The following DIAPH3 variants were observed in gnomAD, a reference collection of about 807,000 sequenced individuals.
DIAPH3 encodes protein diaphanous homolog 3.
A neutral mutation model predicts 144.3 loss-of-function variants in DIAPH3; 117 were observed. That is an observed-to-expected ratio of 0.81 (90% CI 0.70 to 0.95). DIAPH3 has a LOEUF of 0.95. DIAPH3 is among the 40% of genes least tolerant of loss of function. The pLI, the probability that DIAPH3 is intolerant of heterozygous loss-of-function variation, is 0.00. For missense variants in DIAPH3, 1,421 were observed against 1,412.7 expected (o/e 1.01, Z -0.09); for synonymous variants, 519 against 488.9 (o/e 1.06, Z -0.81).
At chr13:59,853,541 T>C (rs2043097583) in intron 22 of DIAPH3, among the ~76,000 whole-genome samples, 1 of 152,142 alleles carries the variant, frequency 6.6e-6, no homozygotes, top group African/African-American at 2.4e-5. Context: ...ATGTAAGATG[T>C]GCGTGCTGCT....
chr13:59,775,532 G>A lies in DIAPH3; in HGVS notation c.3164-709C>T, dbSNP rs372691337. Among the ~76,000 whole-genome samples, 56 of 152,322 alleles carry A rather than the reference G, an allele frequency of 3.7e-4. No homozygotes were observed. The East Asian group carries it at 0.011, about 29-fold the overall frequency. ...GTTGGGATTACAGGCGTGAGCCACT[G>A]CACACGGCCCGGGAGAGTGTTTTTG... On this transcript the variant is annotated intron_variant, in intron 25 of 27. Coordinates refer to ENST00000400324, the MANE Select transcript of DIAPH3 (RefSeq NM_001042517.2).
At position 59,760,946 on chromosome 13, in the gene DIAPH3, G is replaced by A. The variant is rs1472353139; in HGVS notation, c.3319+13243C>T. 3.9e-5 allele frequency among the ~76,000 whole-genome samples: 6 copies of A among 152,100 alleles called. No individual in the cohort carries two copies. The East Asian group carries it at 7.7e-4, about 20-fold the overall frequency. ...AATGATCATGTACATAGCACTTAAT[G>A]ATCATTATCATTTATTCTAATATTA... On this transcript the variant is annotated intron_variant, in intron 27 of 27. Transcript: ENST00000400324.
At chr13:60,027,415 C>T (rs2054451768) in intron 5 of DIAPH3, among the ~76,000 whole-genome samples, 1 of 152,140 alleles carries the variant, frequency 6.6e-6, no homozygotes, top group Admixed American at 6.5e-5. Context: ...CATTTATTCC[C>T]ACTTTTCATA....
intron 25 of DIAPH3, among the ~76,000 whole-genome samples, chr13:59,799,768 AT>A (rs2039807877): frequency 1.3e-5 from 2 of 152,152 alleles, no homozygotes; most frequent in African/African-American, 2.4e-5. Context: ...TGTAAAAGAT[AT>A]TTTTTTGAAC....
At chr13:59,712,267 G>A (rs1277853207) in intron 27 of DIAPH3, among the ~76,000 whole-genome samples, 1 of 152,194 alleles carries the variant, frequency 6.6e-6, no homozygotes, top group Non-Finnish European at 1.5e-5. Flanking sequence ...TTCTCCAAGT[G>A]GTTGGCTAGG....
chr13:59,670,400 C>A (rs1184294853), intron 27 of DIAPH3, among the ~76,000 whole-genome samples: 1 of 152,168 alleles, frequency 6.6e-6, no homozygotes, highest in Non-Finnish European at 1.5e-5. Flanking sequence ...ACCCCAACAG[C>A]CCCCATTCTG....
intron 27 of DIAPH3, among the ~76,000 whole-genome samples, chr13:59,727,603 G>T (rs1016395326): frequency 6.6e-6 from 1 of 152,148 alleles, no homozygotes; most frequent in South Asian, 2.1e-4. Flanking sequence ...TGCATTATGG[G>T]ATTTTGGAGA....
intron 4 of DIAPH3, among the ~76,000 whole-genome samples, chr13:60,059,098 T>A (rs1234712554): frequency 1.3e-5 from 2 of 151,760 alleles, no homozygotes; most frequent in African/African-American, 4.8e-5. Flanking sequence ...GTTCTATATA[T>A]GTATTAGATG....
chr13:60,019,952 G>T (rs987555367), intron 5 of DIAPH3, among the ~76,000 whole-genome samples: 3 of 151,422 alleles, frequency 2.0e-5, no homozygotes, highest in Non-Finnish European at 4.4e-5. Context: ...TCCCAGATGT[G>T]CTCGTAGAAA....
intron 2 of DIAPH3, 121 bp downstream of exon 2, chr13:60,132,836 G>C (rs1279448572): frequency 1.2e-6 from 1 of 812,482 alleles, no homozygotes; most frequent in Non-Finnish European, 2.1e-6. Flanking sequence ...AGCACTATAA[G>C]AATAGTACGT....
At chr13:60,045,470 G>T (rs890620565) in intron 4 of DIAPH3, among the ~76,000 whole-genome samples, 1 of 152,022 alleles carries the variant, frequency 6.6e-6, no homozygotes, top group East Asian at 1.9e-4. Context: ...TGTTCTATAG[G>T]CTATTATCTT....
chr13:60,026,078 T>C (rs1232638213), intron 5 of DIAPH3, among the ~76,000 whole-genome samples: 1 of 152,182 alleles, frequency 6.6e-6, no homozygotes, highest in Non-Finnish European at 1.5e-5. Flanking sequence ...TATGTACATA[T>C]GTGTAGCTAT....
rs1051013995 is a variant in DIAPH3 at position 59,861,461 on chromosome 13, G to T, written c.2683C>A (p.Pro895Thr). 6.2e-7 allele frequency: 1 copy of T among 1,613,628 alleles called. No individual in the cohort carries two copies. The highest frequency in any genetic ancestry group is 1.7e-5 in the Admixed American group (1 of 59,974). The change falls in exon 22 of 28, where the codon CCT (proline) becomes ACT (threonine). Residue 895 changes from proline (P) to threonine (T), a missense_variant. Transcript: ENST00000400324. ...TCATCCACAAAATTCAGTATATCAG[G>T]GTACTTCTCTTCACATATTTCTACC... ...FLVEICEEKYPDILNFVDDLE... is the reference protein window; with the variant it reads ...FLVEICEEKYTDILNFVDDLE...
intron 19 of DIAPH3, among the ~76,000 whole-genome samples, chr13:59,913,599 T>C (rs927511187): frequency 6.6e-6 from 1 of 152,198 alleles, no homozygotes; most frequent in Admixed American, 6.5e-5. Flanking sequence ...TTTACAATTA[T>C]GTATGTAAAT....
intron 27 of DIAPH3, among the ~76,000 whole-genome samples, chr13:59,729,948 A>G (rs1157820540): frequency 6.6e-6 from 1 of 151,608 alleles, no homozygotes; most frequent in Non-Finnish European, 1.5e-5. Context: ...AAATTTATAC[A>G]AAATACTCTG....
chr13:59,856,979 C>CA (rs2043294596), intron 22 of DIAPH3, among the ~76,000 whole-genome samples: 1 of 151,542 alleles, frequency 6.6e-6, no homozygotes, highest in Non-Finnish European at 1.5e-5. Context: ...ATATCGTACA[C>CA]AAATTATGAG....
intron 18 of DIAPH3, among the ~76,000 whole-genome samples, chr13:59,920,624 C>A (rs1470490638): frequency 6.6e-6 from 1 of 151,486 alleles, no homozygotes; most frequent in East Asian, 1.9e-4. Flanking sequence ...TACAGGGAGA[C>A]ATACATTGCA....
chr13:59,736,245 A>T (rs558362244), intron 27 of DIAPH3, among the ~76,000 whole-genome samples: 1 of 152,188 alleles, frequency 6.6e-6, no homozygotes, highest in Non-Finnish European at 1.5e-5. Context: ...GAGTGCTGCA[A>T]TGAACATACG....
chr13:59,977,617 C>A (rs538009845), intron 14 of DIAPH3, among the ~76,000 whole-genome samples: 1 of 151,756 alleles, frequency 6.6e-6, no homozygotes, highest in African/African-American at 2.4e-5. Flanking sequence ...TTGTAGTTAT[C>A]CAAGCGAGAA....
Sources: gnomAD v4.1 joint callset for allele counts (sites outside exome capture counted in the v4.1 genomes callset) on GRCh38, gnomAD v4.1.1 for gene constraint, MANE v1.5 for transcripts, NCBI Gene and HGNC (gene_info 2026-07-23, HGNC 2026-07-21) for gene names.